Variants in PHACTR2 observed in about 807,000 individuals in gnomAD.
The protein encoded by PHACTR2 is chromosome 6 open reading frame 56.
Under a neutral mutation model 76.0 loss-of-function variants are expected in PHACTR2, and 30 were observed. That is an observed-to-expected ratio of 0.39 (90% CI 0.30 to 0.54). The LOEUF is 0.54. Ranked by LOEUF, PHACTR2 falls within the 20% of genes least tolerant of loss-of-function variation. The pLI, the probability that PHACTR2 is intolerant of heterozygous loss-of-function variation, is 0.61. For missense variants in PHACTR2, 696 were observed against 781.1 expected (o/e 0.89, Z 1.30); for synonymous variants, 292 against 292.5 (o/e 1.00, Z 0.02).
At chr6:143,577,772 G>GA (rs67150218) in intron 1 of PHACTR2, among the ~76,000 whole-genome samples, 60,076 of 146,774 alleles carry the variant, frequency 0.41, 12,693 homozygotes, top group Non-Finnish European at 0.47. Context: ...ATCGTCGATG[G>GA]AAAAAAAAAA....
intron 2 of PHACTR2, among the ~76,000 whole-genome samples, chr6:143,716,148 C>CA (rs1184473852): frequency 6.6e-6 from 1 of 152,140 alleles, no homozygotes; most frequent in Non-Finnish European, 1.5e-5. Flanking sequence ...AATGACTTTA[C>CA]AAGTATCAAG....
rs1215400422 is a variant in PHACTR2, at chr6:143,731,293, G to GTTTTC, written c.215-17688_215-17687insCTTTT. Among the ~76,000 whole-genome samples the GTTTTC allele has an allele frequency of 3.3e-5, 5 of 151,514 alleles. No individual in the cohort carries two copies. In the East Asian group the frequency reaches 9.8e-4, roughly 30 times the overall value. On this transcript the variant is annotated intron_variant, in intron 2 of 12. Coordinates refer to ENST00000440869, the MANE Select transcript of PHACTR2 (RefSeq NM_001100164.2). This position sits in a 1 kb window ranked among gnomAD's most constrained non-coding sequence, Gnocchi z 4.9. ...AAGTCCCACTGTGTTGTTTTGTTTT[G>GTTTTC]TTTTGTTTTTTGAGACGGAGTTTCG...
chr6:143,569,183 G>A (rs571745316), intron 1 of PHACTR2, among the ~76,000 whole-genome samples: 2 of 152,316 alleles, frequency 1.3e-5, no homozygotes, highest in Non-Finnish European at 2.9e-5. Flanking sequence ...AGCCAGTGTG[G>A]GCTGTGAGGG....
At chr6:143,705,967 C>G (rs1251794165) in intron 1 of PHACTR2, among the ~76,000 whole-genome samples, 1 of 152,194 alleles carries the variant, frequency 6.6e-6, no homozygotes, top group African/African-American at 2.4e-5. Context: ...GGACTTACCT[C>G]TTCTCCCACA....
intron 1 of PHACTR2, among the ~76,000 whole-genome samples, chr6:143,612,792 A>G (rs1367465005): frequency 2.7e-5 from 4 of 148,544 alleles, no homozygotes; most frequent in Non-Finnish European, 6.0e-5. Context: ...TAAATTAAAA[A>G]AGAAACTCAT....
chr6:143,564,196 C>CATATATAT (rs59017997), intron 1 of PHACTR2, among the ~76,000 whole-genome samples: 482 of 40,106 alleles, frequency 0.012, 6 homozygotes, highest in East Asian at 0.024. Flanking sequence ...TGTGTGTGTG[C>CATATATAT]ATATATATAT....
chr6:143,702,887 A>G (rs1239638236), intron 1 of PHACTR2, among the ~76,000 whole-genome samples: 1 of 148,754 alleles, frequency 6.7e-6, no homozygotes, highest in Non-Finnish European at 1.5e-5. Context: ...AAAAGATGGT[A>G]GAGAAGTAGA....
At chr6:143,804,658 G>T (rs1408010576) in intron 11 of PHACTR2, among the ~76,000 whole-genome samples, 1 of 152,168 alleles carries the variant, frequency 6.6e-6, no homozygotes, top group Non-Finnish European at 1.5e-5. Flanking sequence ...GTAATGTTTT[G>T]TAAATTCCAT....
chr6:143,754,055 C>A lies in PHACTR2; in HGVS notation c.454+143C>A. On this transcript the variant is annotated intron_variant, in intron 4 of 12. Transcript: ENST00000440869. This position sits in a 1 kb window ranked among gnomAD's most constrained non-coding sequence, Gnocchi z 6.2. ...AATAGAAAAAAGAAAGAAATGATAA[C>A]TAGTAAAGTGAAATCGGATGATTTT... 2.2e-6 allele frequency: 1 copy of A among 460,486 alleles called. No homozygotes were observed. The highest frequency in any genetic ancestry group is 6.2e-5 in the South Asian group (1 of 16,040). 28.5% of individuals were successfully genotyped at this position (460,486 alleles called of 1,614,324 possible). A position where few individuals can be genotyped will look rare whatever the true frequency, so the allele number is the denominator to read the frequency against.
At position 143,712,490 on chromosome 6, in the gene PHACTR2, A is replaced by G. The variant is rs553334521; in HGVS notation, c.214+307A>G. On this transcript the variant is annotated intron_variant, in intron 2 of 12. Transcript: ENST00000440869. ...AAAATGATAAGTGGAAATGCTATTC[A>G]TCAACATTGTGATGACAGGTATCCA... Among the ~76,000 whole-genome samples, 258 of 151,640 alleles carry G rather than the reference A, an allele frequency of 1.7e-3. 1 individual carries two copies. The highest frequency in any genetic ancestry group is 5.9e-3 in the African/African-American group (246 of 41,474).
intron 1 of PHACTR2, among the ~76,000 whole-genome samples, chr6:143,632,530 G>A (rs1037629440): frequency 3.3e-5 from 5 of 152,090 alleles, no homozygotes; most frequent in Admixed American, 6.5e-5. Flanking sequence ...GTCTCCCCCC[G>A]ACTATGGACA....
chr6:143,682,604 C>T (rs1464774905), intron 1 of PHACTR2, among the ~76,000 whole-genome samples: 5 of 152,146 alleles, frequency 3.3e-5, no homozygotes, highest in South Asian at 2.1e-4. Flanking sequence ...GATCTATTTA[C>T]ATGTGCAAAG....
chr6:143,771,186 A>G lies in PHACTR2; in HGVS notation c.1233-1072A>G, dbSNP rs1159789181. Among the ~76,000 whole-genome samples the G allele has an allele frequency of 5.0e-3, 170 of 34,010 alleles. 6 individuals are homozygous for G. Among genetic ancestry groups the G allele is most frequent in the African/African-American group, 0.018 (98 of 5,560 alleles). 22.3% of individuals were successfully genotyped at this position (34,010 alleles called of 152,430 possible). A position where few individuals can be genotyped will look rare whatever the true frequency, so the allele number is the denominator to read the frequency against. On this transcript the variant is annotated intron_variant, in intron 6 of 12. Transcript: ENST00000440869. ...TATATATATATATGTATATATATAT[A>G]TATGTGTGTATATATATATATATAT...
In PHACTR2 at chr6:143,654,303, C is replaced by T. The variant is rs1776809763; in HGVS notation, c.13+45981C>T. Among the ~76,000 whole-genome samples, 1 of 152,120 alleles carries T rather than the reference C, an allele frequency of 6.6e-6. No individual in the cohort carries two copies. Among genetic ancestry groups the T allele is most frequent in the South Asian group, 2.1e-4 (1 of 4,820 alleles). On this transcript the variant is annotated intron_variant, in intron 1 of 11. Coordinates refer to the PHACTR2 transcript ENST00000305766. This position sits in a 1 kb window ranked among gnomAD's most constrained non-coding sequence, Gnocchi z 4.6. ...TCTGGCAGTTCCTCAAACAATCAAT[C>T]ATAGAGTTACCATATGAACAGCAAT... is the stretch of plus-strand genomic sequence containing the variant.
chr6:143,666,837 C>T (rs1736694398), intron 1 of PHACTR2, among the ~76,000 whole-genome samples: 2 of 152,226 alleles, frequency 1.3e-5, no homozygotes, highest in Admixed American at 6.5e-5. Context: ...TGCCTGTTCA[C>T]TCTGCTGAGA....
chr6:143,706,428 T>C (rs1189207708), intron 1 of PHACTR2, among the ~76,000 whole-genome samples: 1 of 152,202 alleles, frequency 6.6e-6, no homozygotes, highest in Non-Finnish European at 1.5e-5. Context: ...CTTATCTATC[T>C]GTCTACCTGG....
rs116661802 is a variant in PHACTR2, at chr6:143,591,382, T to G, written c.217+54175T>G. Among the ~76,000 whole-genome samples, 1,654 of 152,280 alleles carry G rather than the reference T, an allele frequency of 0.011. 36 individuals carry two copies. The highest frequency in any genetic ancestry group is 0.035 in the African/African-American group (1,468 of 41,544). On this transcript the variant is annotated intron_variant, in intron 1 of 11. Transcript: ENST00000367584. This position sits in a 1 kb window ranked among gnomAD's most constrained non-coding sequence, Gnocchi z 6.4. The stretch of plus-strand genomic sequence containing the variant: ...TTGAGAAAGAAAGAGAAACTTCCTG[T>G]TTTTTTCTAGGTGTTCCAGGTAGGT...
chr6:143,728,160 C>A (rs1778615628), intron 2 of PHACTR2, among the ~76,000 whole-genome samples: 1 of 142,226 alleles, frequency 7.0e-6, no homozygotes, highest in South Asian at 2.2e-4. Flanking sequence ...TTCTTTCATT[C>A]TTTCTTTCGT....
Position 143,826,839 on chromosome 6 carries a change from A to G in PHACTR2, c.*3150A>G, listed in dbSNP as rs1031926788. On this transcript the variant is annotated 3_prime_UTR_variant, in exon 13 of 13. Transcript: ENST00000440869. ...GAACCATTTTGGCATTTGAACAGCT[A>G]TTTTACATGGAGAAAAAGCAAACAC... 3 of 152,040 alleles carry G rather than the reference A, an allele frequency of 2.0e-5. No individual in the cohort carries two copies. The highest frequency in any genetic ancestry group is 4.4e-5 in the Non-Finnish European group (3 of 68,010). The allele number at this position is 152,040 out of a possible 1,614,324, so 9.4% of individuals were successfully genotyped here.
Sources: gnomAD v4.1 joint callset for allele counts (sites outside exome capture counted in the v4.1 genomes callset) on GRCh38, gnomAD v4.1.1 for gene constraint, Gnocchi (gnomAD v3.1) non-coding constraint, MANE v1.5 for transcripts, NCBI Gene and HGNC (gene_info 2026-07-23, HGNC 2026-07-21) for gene names.